Variants in THSD7A observed in about 807,000 individuals in gnomAD.
The protein encoded by THSD7A is thrombospondin type 1 domain containing 7A.
THSD7A carries 96 observed loss-of-function variants against 231.3 expected under a neutral mutation model. That is an observed-to-expected ratio of 0.41 (90% CI 0.35 to 0.49). THSD7A has a LOEUF of 0.49. THSD7A is among the 20% of genes least tolerant of loss of function. The pLI, the probability that THSD7A is intolerant of heterozygous loss-of-function variation, is 0.05. For missense variants in THSD7A, 2,290 were observed against 2,070.2 expected, an observed-to-expected ratio of 1.11 and a Z score of -2.06; for synonymous variants, 940 against 743.3, an observed-to-expected ratio of 1.26 and a Z score of -4.30.
At chr7:11,592,662 A>G (rs556851946) in intron 3 of THSD7A, among the ~76,000 whole-genome samples, 2 of 152,330 alleles carry the variant, frequency 1.3e-5, no homozygotes, top group South Asian at 4.1e-4. Context: ...TTTTCCCCAT[A>G]TTAGTAAGCA....
rs1360348051 is a variant in THSD7A, at chr7:11,416,372, G to A, written c.3537+1078C>T. ...GGAATCTCTTCATAATATGATATCT[G>A]ACAAAAAATCTCACTGTTATAAACA... On this transcript the variant is annotated intron_variant, in intron 17 of 27. Coordinates refer to ENST00000423059, the MANE Select transcript of THSD7A (RefSeq NM_015204.3). Among the ~76,000 whole-genome samples the A allele has an allele frequency of 3.3e-5, 5 of 152,080 alleles. No homozygotes were observed. The East Asian group carries it at 9.6e-4, about 29-fold the overall frequency.
chr7:11,635,835 G>A (rs1310522242), intron 2 of THSD7A, among the ~76,000 whole-genome samples: 1 of 151,362 alleles, frequency 6.6e-6, no homozygotes, highest in East Asian at 1.9e-4. Context: ...CTATTATAGG[G>A]AAACGACACT....
chr7:11,769,143 A>ATTTTTTTTTTT (rs1306458383), intron 1 of THSD7A, among the ~76,000 whole-genome samples: 4 of 35,296 alleles, frequency 1.1e-4, no homozygotes, highest in East Asian at 5.0e-4. Flanking sequence ...ATATATATAT[A>ATTTTTTTTTTT]TATATATATA....
rs986021016 is a variant in THSD7A at position 11,407,080 on chromosome 7, C to G, written c.3917-25G>C. The G allele has an allele frequency of 2.5e-6, 4 of 1,612,140 alleles. No homozygotes were observed. The Admixed American group carries it at 5.0e-5, about 20-fold the overall frequency. ...CCTTGAAGAGATACAAAGTGATGCA[C>G]CTTTAATATATGTTATGGTTTTGCA... On this transcript the variant is annotated intron_variant, in intron 20 of 27. Transcript: ENST00000423059.
rs1780065200 is a variant in THSD7A at position 11,686,676 on chromosome 7, T to C, written c.191-49715A>G. 2.6e-5 allele frequency among the ~76,000 whole-genome samples: 4 copies of C among 151,864 alleles called. No homozygotes were observed. The South Asian group carries it at 8.3e-4, about 31-fold the overall frequency. ...TCATAAAAAGAGTGAATCATCTTCT[T>C]TGCAGCAACATGAATGCAGCTGGAG... is the stretch of plus-strand genomic sequence containing the variant. On this transcript the variant is annotated intron_variant, in intron 1 of 27. Transcript: ENST00000423059.
chr7:11,590,736 A>C lies in THSD7A; in HGVS notation c.1272-95T>G. 2 of 1,371,988 alleles carry C rather than the reference A, an allele frequency of 1.5e-6. No homozygotes were observed. The highest frequency in any genetic ancestry group is 2.0e-6 in the Non-Finnish European group (2 of 1,024,772). 85.0% of individuals were successfully genotyped at this position (1,371,988 alleles called of 1,614,324 possible). A position where few individuals can be genotyped will look rare whatever the true frequency, so the allele number is the denominator to read the frequency against. ...CTTTGTTTTAACGAAAATTAGTCTC[A>C]AAATCATTTTCCTAGAGAATCCATC... On this transcript the variant is annotated intron_variant, in intron 3 of 27. Transcript: ENST00000423059. This position sits in a 1 kb window ranked among gnomAD's most constrained non-coding sequence, Gnocchi z 4.4.
chr7:11,425,399 T>C lies in THSD7A; in HGVS notation c.3250-570A>G, dbSNP rs951984625. ...AGATAAACAATATGAAATAAAGCCATCTTAAAACTAATCCTCAATCATTTA... is the reference window on the plus strand; with the variant it reads ...AGATAAACAATATGAAATAAAGCCACCTTAAAACTAATCCTCAATCATTTA... On this transcript the variant is annotated intron_variant, in intron 15 of 27. Transcript: ENST00000423059. 2.0e-5 allele frequency among the ~76,000 whole-genome samples: 3 copies of C among 152,202 alleles called. No individual in the cohort carries two copies. The East Asian group carries it at 5.8e-4, about 29-fold the overall frequency.
intron 1 of THSD7A, among the ~76,000 whole-genome samples, chr7:11,739,148 A>G (rs1305361043): frequency 6.6e-6 from 1 of 152,086 alleles, no homozygotes; most frequent in African/African-American, 2.4e-5. Context: ...TTGACTATGG[A>G]GAAAGTAATA....
chr7:11,645,584 C>A (rs1212197032), intron 1 of THSD7A, among the ~76,000 whole-genome samples: 2 of 151,708 alleles, frequency 1.3e-5, no homozygotes, highest in African/African-American at 4.8e-5. Context: ...CACAGTTAGA[C>A]AATTTTACCA....
intron 7 of THSD7A, among the ~76,000 whole-genome samples, chr7:11,481,544 G>C (rs1219172269): frequency 6.6e-6 from 1 of 152,092 alleles, no homozygotes; most frequent in African/African-American, 2.4e-5. Context: ...ATGACTGGAA[G>C]GGTGGGAAAA....
chr7:11,384,139 A>G (rs1056009063), intron 23 of THSD7A: 2 of 151,822 alleles, frequency 1.3e-5, no homozygotes, highest in Admixed American at 1.3e-4. Context: ...TGATCATTTT[A>G]AATAAATTAA....
chr7:11,784,515 G>A (rs928671732), intron 1 of THSD7A, among the ~76,000 whole-genome samples: 20 of 151,618 alleles, frequency 1.3e-4, no homozygotes, highest in African/African-American at 4.6e-4. Context: ...TCTTCTTCCA[G>A]TTAACTAATT....
At chr7:11,376,345 A>T (rs186600043) in intron 27 of THSD7A, among the ~76,000 whole-genome samples, 429 of 152,240 alleles carry the variant, frequency 2.8e-3, no homozygotes, top group African/African-American at 1.0e-2. Flanking sequence ...AAAGTATGCA[A>T]GAGAACATAC....
At chr7:11,422,128 A>G (rs558311596) in intron 16 of THSD7A, among the ~76,000 whole-genome samples, 1 of 152,316 alleles carries the variant, frequency 6.6e-6, no homozygotes, top group Non-Finnish European at 1.5e-5. Context: ...GTAATAAGAC[A>G]GTGTATTTTC....
At chr7:11,384,292 A>G (rs1782641587) in intron 23 of THSD7A, 1 of 151,830 alleles carries the variant, frequency 6.6e-6, no homozygotes, top group Admixed American at 6.6e-5. Context: ...ATCCTTTGAA[A>G]TTAATTGGCT....
At chr7:11,739,902 G>T (rs1351933104) in intron 1 of THSD7A, among the ~76,000 whole-genome samples, 1 of 151,938 alleles carries the variant, frequency 6.6e-6, no homozygotes, top group Non-Finnish European at 1.5e-5. Context: ...GGCAGAGAAG[G>T]TGGAAGAGCT....
At chr7:11,825,183 A>C (rs183959294) in intron 1 of THSD7A, among the ~76,000 whole-genome samples, 9 of 152,248 alleles carry the variant, frequency 5.9e-5, no homozygotes, top group Non-Finnish European at 1.0e-4. Flanking sequence ...AAGAGAACTA[A>C]CAGTTTTTGA....
At chr7:11,471,275 A>G (rs1216282703) in intron 8 of THSD7A, among the ~76,000 whole-genome samples, 2 of 152,030 alleles carry the variant, frequency 1.3e-5, no homozygotes, top group African/African-American at 2.4e-5. Context: ...GTTCTTGCTA[A>G]AATAAATTGG....
intron 1 of THSD7A, among the ~76,000 whole-genome samples, chr7:11,750,163 A>G (rs550577325): frequency 6.6e-6 from 1 of 151,960 alleles, no homozygotes; most frequent in South Asian, 2.1e-4. Context: ...ATTTAACTGT[A>G]TAATATTTCG....
Sources: gnomAD v4.1 joint callset for allele counts (sites outside exome capture counted in the v4.1 genomes callset) on GRCh38, gnomAD v4.1.1 for gene constraint, Gnocchi (gnomAD v3.1) non-coding constraint, MANE v1.5 for transcripts, NCBI Gene and HGNC (gene_info 2026-07-23, HGNC 2026-07-21) for gene names.